The following RTL4 variants were observed in gnomAD, a reference collection of about 807,000 sequenced individuals.
RTL4 encodes retrotransposon Gag-like protein 4.
Under a neutral mutation model 5.3 loss-of-function variants are expected in RTL4, and 4 were observed. The ratio of observed to expected loss-of-function variants is 0.75; its 90% CI spans 0.37 to 1.72. RTL4 has a LOEUF of 1.72. Among genes scored for constraint, RTL4 ranks in the 40% most tolerant of loss-of-function variants. The probability of loss-of-function intolerance (pLI) is 0.04; values close to 1 mark genes in which losing one functional copy is unlikely to be tolerated. For missense variants in RTL4, 260 were observed against 227.1 expected (o/e 1.14, Z -0.93); for synonymous variants, 98 against 87.3 (o/e 1.12, Z -0.68).
At chrX:112,307,002 G>A in the RTL4 span, among the ~76,000 whole-genome samples, 2 of 110,671 alleles carry the variant, frequency 1.8e-5, no homozygotes, top group Non-Finnish European at 3.8e-5. Context: ...TGTGTATGCC[G>A]CCTCTGGGAT....
At chrX:112,256,303 C>T in the RTL4 span, among the ~76,000 whole-genome samples, 1 of 111,796 alleles carries the variant, frequency 8.9e-6, no homozygotes, top group Non-Finnish European at 1.9e-5. Context: ...CCTGAAAGAA[C>T]CATTGTTTTC....
At chrX:112,355,476 G>A in the RTL4 span, among the ~76,000 whole-genome samples, 1 of 111,452 alleles carries the variant, frequency 9.0e-6, no homozygotes. Context: ...AGTTAGAAAA[G>A]GAGAGGATAG....
the RTL4 span, among the ~76,000 whole-genome samples, chrX:112,213,906 T>C: frequency 9.0e-6 from 1 of 110,564 alleles, no homozygotes; most frequent in African/African-American, 3.3e-5. Context: ...ATTTAATGTA[T>C]ACAACTTAAT....
the RTL4 span, among the ~76,000 whole-genome samples, chrX:112,174,923 G>A: frequency 2.5e-5 from 1 of 40,718 alleles, no homozygotes; most frequent in South Asian, 1.7e-3. Context: ...ACTTTTTGAT[G>A]GGGTTGTTTT....
the RTL4 span, among the ~76,000 whole-genome samples, chrX:112,294,856 A>G: frequency 2.7e-5 from 3 of 111,571 alleles, no homozygotes; most frequent in Non-Finnish European, 5.6e-5. Flanking sequence ...CCATTGAATG[A>G]TAGATGACCT....
At chrX:112,332,192 A>G in the RTL4 span, among the ~76,000 whole-genome samples, 48 of 109,838 alleles carry the variant, frequency 4.4e-4, no homozygotes, top group Non-Finnish European at 5.7e-4. Flanking sequence ...ACAGGTGCTG[A>G]AGAGGATGTG....
the RTL4 span, chrX:112,382,037 C>T: frequency 8.3e-7 from 1 of 1,208,973 alleles, no homozygotes; most frequent in Non-Finnish European, 1.1e-6. Context: ...AGCCCAGAAA[C>T]TAACGGCTAC....
At chrX:112,256,208 G>C in the RTL4 span, among the ~76,000 whole-genome samples, 1 of 111,738 alleles carries the variant, frequency 8.9e-6, no homozygotes, top group Non-Finnish European at 1.9e-5. Context: ...AAAAAATGTA[G>C]TATATATTTG....
At chrX:112,457,318 A>C (rs767657377), downstream of RTL4, among the ~76,000 whole-genome samples, 1 of 112,194 alleles carries the variant, frequency 8.9e-6, no homozygotes, top group East Asian at 2.8e-4. Context: ...CTCGCTGCAC[A>C]ACCACATTAC....
At chrX:112,200,418 C>T in the RTL4 span, among the ~76,000 whole-genome samples, 2 of 111,888 alleles carry the variant, frequency 1.8e-5, no homozygotes, top group African/African-American at 6.5e-5. Context: ...CATGTGTCCC[C>T]AGAGGCTAGA....
At chrX:112,179,325 G>A in the RTL4 span, among the ~76,000 whole-genome samples, 7 of 110,472 alleles carry the variant, frequency 6.3e-5, no homozygotes, top group African/African-American at 9.9e-5. Flanking sequence ...ACCATTTTAC[G>A]TACTCACATA....
the RTL4 span, among the ~76,000 whole-genome samples, chrX:112,366,559 G>A: frequency 8.9e-6 from 1 of 111,816 alleles, no homozygotes; most frequent in Non-Finnish European, 1.9e-5. Context: ...TTGGAGATAA[G>A]TATTTGTTTG....
At chrX:112,155,676 T>A in the RTL4 span, among the ~76,000 whole-genome samples, 62 of 111,683 alleles carry the variant, frequency 5.6e-4, no homozygotes, top group African/African-American at 2.0e-3. Context: ...TCACAGTTTT[T>A]AACTGAGATT....
chrX:112,233,330 G>T, the RTL4 span, among the ~76,000 whole-genome samples: 2 of 110,699 alleles, frequency 1.8e-5, no homozygotes, highest in Non-Finnish European at 3.8e-5. Flanking sequence ...TTGGTTTGTG[G>T]CTTTTTCATG....
At chrX:112,146,090 G>A in the RTL4 span, among the ~76,000 whole-genome samples, 1 of 112,144 alleles carries the variant, frequency 8.9e-6, no homozygotes, top group East Asian at 2.8e-4. Flanking sequence ...TGAATTCAGG[G>A]AGATCAGATT....
chrX:112,165,072 C>A, the RTL4 span, among the ~76,000 whole-genome samples: 6 of 111,476 alleles, frequency 5.4e-5, no homozygotes, highest in African/African-American at 2.0e-4. Flanking sequence ...TCCTCCTCTC[C>A]GCCAATCAAA....
chrX:112,309,206 G>T, the RTL4 span, among the ~76,000 whole-genome samples: 1 of 111,339 alleles, frequency 9.0e-6, no homozygotes. Context: ...TAAGGTGCTG[G>T]CCAATTTGGT....
At chrX:112,229,825 C>A in the RTL4 span, among the ~76,000 whole-genome samples, 1 of 112,032 alleles carries the variant, frequency 8.9e-6, no homozygotes, top group Non-Finnish European at 1.9e-5. Context: ...GTATCAGCAG[C>A]AGTGGCTGCA....
At chrX:112,446,987 T>A in the RTL4 span, among the ~76,000 whole-genome samples, 3 of 112,278 alleles carry the variant, frequency 2.7e-5, no homozygotes, top group Non-Finnish European at 3.8e-5. Flanking sequence ...TGCCTCTATG[T>A]ATAAGGAAGT....
Sources: gnomAD v4.1 joint callset for allele counts (sites outside exome capture counted in the v4.1 genomes callset) on GRCh38, gnomAD v4.1.1 for gene constraint, MANE v1.5 for transcripts, NCBI Gene and HGNC (gene_info 2026-07-23, HGNC 2026-07-21) for gene names.